Variants in DDC observed in about 807,000 individuals in gnomAD.
DDC encodes the protein dopa decarboxylase, also known as aromatic-L-amino-acid decarboxylase.
DDC carries 43 observed loss-of-function variants against 60.0 expected under a neutral mutation model. The observed-to-expected ratio is 0.72, with a 90% CI of 0.56 to 0.92. The LOEUF (loss-of-function observed/expected upper bound fraction) is 0.92. Among genes scored for constraint, DDC ranks in the 40% least tolerant of loss-of-function variants. The probability of loss-of-function intolerance (pLI) is 0.00; values close to 1 mark genes in which losing one functional copy is unlikely to be tolerated. For missense variants in DDC, 573 were observed against 620.2 expected (o/e 0.92, Z 0.81); for synonymous variants, 232 against 234.6 (o/e 0.99, Z 0.10).
chr7:50,479,897 C>T, intron 9 of DDC, 34 bp from the exon 10 acceptor site: 1 of 1,576,000 alleles, frequency 6.3e-7, no homozygotes, highest in African/African-American at 1.3e-5. Context: ...GGGCTGATAA[C>T]CAAGTACCCT....
chr7:50,478,246 G>A lies in DDC; in HGVS notation c.1021+1541C>T, dbSNP rs1233494844. Reference sequence around the variant, plus strand: ...AAAATTGTCAAAGAACCAGATGATTGTCATGAATGAAAATGAGGGAATGGC... The same window carrying A: ...AAAATTGTCAAAGAACCAGATGATTATCATGAATGAAAATGAGGGAATGGC... On this transcript the variant is annotated intron_variant, in intron 10 of 14. Coordinates refer to ENST00000444124, the MANE Select transcript of DDC (RefSeq NM_001082971.2). 2.0e-5 allele frequency among the ~76,000 whole-genome samples: 3 copies of A among 151,924 alleles called. No individual in the cohort carries two copies. In the East Asian group the frequency reaches 5.8e-4, roughly 29 times the overall value.
chr7:50,492,616 G>T (rs13234331), intron 9 of DDC: 393,968 of 986,944 alleles, frequency 0.4, 79,424 homozygotes, highest in Non-Finnish European at 0.41. Context: ...TTCTCTTGTG[G>T]CAGACTTCCA....
At position 50,529,265 on chromosome 7, in the gene DDC, G is replaced by A. The variant is rs950837487; in HGVS notation, c.513C>T (p.Ser171=). The part of the protein sequence containing the change: ...TKVIHRLQAA[S]PELTQAAIME... ...TGATAGCGGCCTGTGTGAGCTCTGG[G>A]GACGCTGCCTGCAGCCGATGGATCA... Residue 171 remains serine (S), a synonymous_variant, in exon 5 of 15, where the codon TCC becomes TCT. Coordinates refer to ENST00000444124, the MANE Select transcript of DDC (RefSeq NM_001082971.2). 6.2e-7 allele frequency: 1 copy of A among 1,613,872 alleles called. No homozygotes were observed.
chr7:50,555,073 C>T (rs1228024193), intron 1 of DDC, among the ~76,000 whole-genome samples: 4 of 152,184 alleles, frequency 2.6e-5, no homozygotes, highest in Non-Finnish European at 4.4e-5. Flanking sequence ...AGAGACTGTG[C>T]TCCTGGAACC....
intron 1 of DDC, among the ~76,000 whole-genome samples, chr7:50,555,870 C>G (rs963516500): frequency 6.6e-6 from 1 of 152,138 alleles, no homozygotes; most frequent in Non-Finnish European, 1.5e-5. Flanking sequence ...CCTGAAGGCA[C>G]CTGAGAGAAT....
At chr7:50,523,054 A>T (rs1223068601) in intron 6 of DDC, among the ~76,000 whole-genome samples, 2 of 152,200 alleles carry the variant, frequency 1.3e-5, no homozygotes, top group African/African-American at 4.8e-5. Flanking sequence ...TGAGGATTAC[A>T]ATTCCACATG....
chr7:50,484,155 C>G (rs1381983338), intron 9 of DDC, among the ~76,000 whole-genome samples: 1 of 152,180 alleles, frequency 6.6e-6, no homozygotes, highest in Non-Finnish European at 1.5e-5. Context: ...TTTTCTACTA[C>G]AAGTTAATCT....
intron 9 of DDC, among the ~76,000 whole-genome samples, chr7:50,486,208 A>G (rs1456846017): frequency 1.3e-5 from 2 of 152,206 alleles, no homozygotes; most frequent in African/African-American, 4.8e-5. Flanking sequence ...ATAAGAAGTG[A>G]TCCCAGTGGG....
chr7:50,490,910 A>G (rs1334265171), intron 9 of DDC, among the ~76,000 whole-genome samples: 1 of 152,238 alleles, frequency 6.6e-6, no homozygotes, highest in Non-Finnish European at 1.5e-5. Context: ...CTTGTATTTA[A>G]TACAATTGGG....
intron 1 of DDC, among the ~76,000 whole-genome samples, chr7:50,549,443 G>A (rs935291369): frequency 2.0e-5 from 3 of 152,156 alleles, no homozygotes; most frequent in Non-Finnish European, 4.4e-5. Flanking sequence ...ACGAGGTCAG[G>A]AGATCGAGAC....
At chr7:50,543,744 G>T in intron 2 of DDC, 141 bp downstream of exon 2, 1 of 842,750 alleles carries the variant, frequency 1.2e-6, no homozygotes, top group East Asian at 2.6e-5. Flanking sequence ...TTCCTCAGTT[G>T]TAAAATAGAA....
chr7:50,473,690 G>T (rs1476240607), intron 11 of DDC, among the ~76,000 whole-genome samples: 1 of 152,172 alleles, frequency 6.6e-6, no homozygotes, highest in Non-Finnish European at 1.5e-5. Flanking sequence ...GCCAAACAAG[G>T]ACTGTCCCCA....
chr7:50,525,483 G>T (rs1252011564), intron 6 of DDC, among the ~76,000 whole-genome samples: 1 of 152,158 alleles, frequency 6.6e-6, no homozygotes, highest in Non-Finnish European at 1.5e-5. Flanking sequence ...TAAAAAGTTG[G>T]CCAGGCACAG....
chr7:50,558,926 C>T (rs559042870), intron 1 of DDC, among the ~76,000 whole-genome samples: 2 of 152,174 alleles, frequency 1.3e-5, no homozygotes, highest in East Asian at 1.9e-4. Flanking sequence ...GTGCTGAGCC[C>T]GCAGACACAC....
At chr7:50,468,047 G>C (rs2042436935) in intron 12 of DDC, among the ~76,000 whole-genome samples, 1 of 152,278 alleles carries the variant, frequency 6.6e-6, no homozygotes, top group Non-Finnish European at 1.5e-5. Context: ...GCCCTCCGTG[G>C]CGTAGGCCCG....
intron 9 of DDC, chr7:50,493,045 C>A (rs777298416): frequency 6.5e-7 from 1 of 1,528,772 alleles, no homozygotes; most frequent in South Asian, 1.1e-5. Flanking sequence ...TCCTTCTTAT[C>A]GTGTGTCAAT....
intron 6 of DDC, among the ~76,000 whole-genome samples, chr7:50,506,799 C>T (rs188886013): frequency 1.3e-5 from 2 of 152,314 alleles, no homozygotes; most frequent in East Asian, 1.9e-4. Flanking sequence ...CAGGTGCCAA[C>T]GGGCTAACAT....
chr7:50,529,597 C>T (rs866200557), intron 4 of DDC, among the ~76,000 whole-genome samples: 1 of 152,174 alleles, frequency 6.6e-6, no homozygotes, highest in Non-Finnish European at 1.5e-5. Flanking sequence ...CTGACCACTT[C>T]CCTGCGCCAG....
intron 13 of DDC, among the ~76,000 whole-genome samples, chr7:50,464,625 G>T (rs2042355110): frequency 6.6e-6 from 1 of 152,220 alleles, no homozygotes; most frequent in African/African-American, 2.4e-5. Flanking sequence ...AAACAGACTG[G>T]ATAGGGCAGT....
Sources: gnomAD v4.1 joint callset for allele counts (sites outside exome capture counted in the v4.1 genomes callset) on GRCh38, gnomAD v4.1.1 for gene constraint, MANE v1.5 for transcripts, NCBI Gene and HGNC (gene_info 2026-07-23, HGNC 2026-07-21) for gene names.